ACBD6: variants seen among roughly 807,000 people sequenced by gnomAD.
ACBD6 encodes the protein acyl-CoA-binding domain-containing protein 6.
In ACBD6, 28 loss-of-function variants were observed where a neutral mutation model predicts 37.2. The observed-to-expected ratio is 0.75, with a 90% CI of 0.56 to 1.03. ACBD6 has a LOEUF of 1.03. Among genes scored for constraint, ACBD6 ranks in the 50% least tolerant of loss-of-function variants. The pLI is 0.00. For synonymous variants in ACBD6, 113 were observed against 126.8 expected (o/e 0.89, Z 0.73); for missense variants, 340 against 337.4 (o/e 1.01, Z -0.06).
At chr1:180,331,988 G>C (rs1264986121) in intron 6 of ACBD6, among the ~76,000 whole-genome samples, 2 of 152,070 alleles carry the variant, frequency 1.3e-5, no homozygotes, top group Non-Finnish European at 2.9e-5. Context: ...CCTGTTATGA[G>C]TTTAATTGTG....
chr1:180,274,375 C>T lies in ACBD6; in HGVS notation c.*937-263G>A, dbSNP rs202022709. 1.6e-4 allele frequency: 254 copies of T among 1,614,224 alleles called. No individual in the cohort carries two copies. In the East Asian group the frequency reaches 2.4e-3, roughly 15 times the overall value. On this transcript the variant is annotated intron_variant, in intron 10 of 13. Coordinates refer to the ACBD6 transcript ENST00000642319. ...CCTCCATATCGTCCCTGCCATCCCA[C>T]GCTCCTTTGCTCAATGGGCTGGATT...
chr1:180,375,163 G>A (rs1472555568), intron 6 of ACBD6, among the ~76,000 whole-genome samples: 2 of 152,092 alleles, frequency 1.3e-5, no homozygotes, highest in African/African-American at 4.8e-5. Flanking sequence ...GAAAAACTAT[G>A]AAAGAGAAAT....
intron 4 of ACBD6, among the ~76,000 whole-genome samples, chr1:180,428,803 C>G (rs1212342424): frequency 6.6e-6 from 1 of 152,002 alleles, no homozygotes; most frequent in African/African-American, 2.4e-5. Context: ...AAAGGAAAGT[C>G]AAGAAACTAT....
At position 180,339,833 on chromosome 1, in the gene ACBD6, G is replaced by A. The variant is rs543089082; in HGVS notation, c.664-25111C>T. 3.3e-4 allele frequency among the ~76,000 whole-genome samples: 50 copies of A among 151,918 alleles called. No individual in the cohort carries two copies. The South Asian group carries it at 0.01, about 30-fold the overall frequency. On this transcript the variant is annotated intron_variant, in intron 6 of 7. Coordinates refer to ENST00000367595, the MANE Select transcript of ACBD6 (RefSeq NM_032360.4). ...AATATAGTATACTAGATGATGGTAC[G>A]TGCTACAGAGAAAAATAAAGCAGGA...
intron 3 of ACBD6, among the ~76,000 whole-genome samples, chr1:180,490,347 T>G (rs1359063287): frequency 6.6e-6 from 1 of 152,120 alleles, no homozygotes; most frequent in Non-Finnish European, 1.5e-5. Context: ...AAATGAAGAC[T>G]CATGCACATC....
rs1387909078 is a variant in ACBD6 at position 180,271,815 on chromosome 1, C to A, written c.*1410G>T. On this transcript the variant is annotated 3_prime_UTR_variant, in exon 14 of 14. Coordinates refer to the ACBD6 transcript ENST00000642319. Reference sequence around the variant, plus strand: ...TGTGGTGGACGCCCCCTGAGTATGTCCCTTGTGCTTGTGTGGCAGGTTTGG... The same window carrying A: ...TGTGGTGGACGCCCCCTGAGTATGTACCTTGTGCTTGTGTGGCAGGTTTGG... The A allele has an allele frequency of 2.5e-6, 4 of 1,613,724 alleles. No individual in the cohort carries two copies. The Admixed American group carries it at 5.0e-5, about 20-fold the overall frequency.
In ACBD6 at chr1:180,487,811, CAA is replaced by C. The variant is rs575715765; in HGVS notation, c.384+4456_384+4457del. Among the ~76,000 whole-genome samples, 49 of 152,180 alleles carry C rather than the reference CAA, an allele frequency of 3.2e-4. 2 individuals are homozygous for C. In the South Asian group the frequency reaches 9.6e-3, roughly 30 times the overall value. On this transcript the variant is annotated intron_variant, in intron 3 of 7. Coordinates refer to ENST00000367595, the MANE Select transcript of ACBD6 (RefSeq NM_032360.4). The stretch of plus-strand genomic sequence containing the variant: ...AGTTTTCCTGTCACACCTTAAACTA[CAA>C]AAGTTACAGCCATAATGCAACAAAA...
intron 7 of ACBD6, among the ~76,000 whole-genome samples, chr1:180,297,377 T>G (rs1292988061): frequency 2.0e-5 from 3 of 152,234 alleles, no homozygotes; most frequent in South Asian, 4.1e-4. Context: ...TGAATCAAAG[T>G]GGAGGGTAGA....
chr1:180,280,156 G>A (rs1182148847), intron 9 of ACBD6, among the ~76,000 whole-genome samples: 6 of 152,152 alleles, frequency 3.9e-5, no homozygotes, highest in South Asian at 2.1e-4. Flanking sequence ...TCTACTGGAC[G>A]GTGCTCATAG....
At chr1:180,426,332 C>G (rs1338393260) in intron 4 of ACBD6, among the ~76,000 whole-genome samples, 1 of 152,074 alleles carries the variant, frequency 6.6e-6, no homozygotes, top group Non-Finnish European at 1.5e-5. Context: ...TAATTCTTAC[C>G]CTAATTTCTC....
intron 6 of ACBD6, among the ~76,000 whole-genome samples, chr1:180,359,608 T>G (rs540385439): frequency 1.4e-4 from 21 of 152,186 alleles, no homozygotes; most frequent in Non-Finnish European, 3.1e-4. Context: ...ATTTAGACAT[T>G]TAGAAGATAT....
At chr1:180,340,721 G>C (rs1185051396) in intron 6 of ACBD6, among the ~76,000 whole-genome samples, 1 of 151,890 alleles carries the variant, frequency 6.6e-6, no homozygotes, top group Non-Finnish European at 1.5e-5. Context: ...CAAGCAGAGG[G>C]GAAGGCCTTA....
intron 4 of ACBD6, among the ~76,000 whole-genome samples, chr1:180,414,930 C>T (rs1478957493): frequency 2.0e-5 from 3 of 152,060 alleles, no homozygotes; most frequent in African/African-American, 7.2e-5. Flanking sequence ...AATAATACCA[C>T]GTTAGCCATA....
chr1:180,271,132 G>A (rs1432460061), exon 14 of ACBD6: 3 of 566,610 alleles, frequency 5.3e-6, no homozygotes, highest in South Asian at 3.9e-5. Context: ...GGCAGGGGAG[G>A]GTTGAGGCAG....
At chr1:180,483,129 T>C (rs61811619) in intron 3 of ACBD6, among the ~76,000 whole-genome samples, 2,531 of 152,276 alleles carry the variant, frequency 0.017, 40 homozygotes, top group Non-Finnish European at 0.02. Flanking sequence ...CGTTCTCATA[T>C]ACATTCAGTC....
chr1:180,274,718 C>G, exon 10 of ACBD6: 1 of 1,060,938 alleles, frequency 9.4e-7, no homozygotes, highest in Non-Finnish European at 1.3e-6. Context: ...CCGCTGATTC[C>G]TAGAAGGCTG....
At chr1:180,388,108 G>A (rs949353412) in intron 6 of ACBD6, among the ~76,000 whole-genome samples, 22 of 151,380 alleles carry the variant, frequency 1.5e-4, no homozygotes, top group African/African-American at 3.4e-4. Context: ...CCCAGGAGGC[G>A]GAGCTTGCAG....
chr1:180,337,990 C>G lies in ACBD6; in HGVS notation c.664-23268G>C, dbSNP rs111720441. Among the ~76,000 whole-genome samples the G allele has an allele frequency of 0.025, 3,808 of 152,010 alleles. 351 individuals are homozygous for G. The East Asian group carries it at 0.29, about 12-fold the overall frequency. On this transcript the variant is annotated intron_variant, in intron 6 of 7. Transcript: ENST00000367595. The stretch of plus-strand genomic sequence containing the variant: ...GGAGAACTACAAACCACTGCTCAAT[C>G]AAATAAAAGAGGATCCAAACAAATG...
At chr1:180,274,787 A>C in exon 10 of ACBD6, 1 of 592,108 alleles carries the variant, frequency 1.7e-6, no homozygotes, top group Non-Finnish European at 2.9e-6. Context: ...GACTCATCTC[A>C]GAACACAGCA....
Sources: gnomAD v4.1 joint callset for allele counts (sites outside exome capture counted in the v4.1 genomes callset) on GRCh38, gnomAD v4.1.1 for gene constraint, MANE v1.5 for transcripts, NCBI Gene and HGNC (gene_info 2026-07-23, HGNC 2026-07-21) for gene names.